Variants in KSR2 observed in about 807,000 individuals in gnomAD.
KSR2 encodes kinase suppressor of ras 2.
In KSR2, 25 loss-of-function variants were observed where a neutral mutation model predicts 107.8. That is an observed-to-expected ratio of 0.23 (90% CI 0.17 to 0.32). The LOEUF is 0.32. KSR2 is among the 10% of genes least tolerant of loss of function. The probability of loss-of-function intolerance (pLI) is 1.00; values close to 1 mark genes in which losing one functional copy is unlikely to be tolerated. For missense variants in KSR2, 887 were observed against 1,268.9 expected (o/e 0.70, Z 4.57); for synonymous variants, 480 against 507.0 (o/e 0.95, Z 0.71).
At position 117,539,339 on chromosome 12, in the gene KSR2, C is replaced by T. The variant is rs1484866401; in HGVS notation, c.1687+380G>A. ...ACTGCCAATTTTAACCAATTTAGCT[C>T]ATAAGACAACTGTCATCTCCAGAGC... On this transcript the variant is annotated intron_variant, in intron 10 of 19. Coordinates refer to ENST00000339824, the MANE Select transcript of KSR2 (RefSeq NM_173598.6). 10 of 199,884 alleles carry T rather than the reference C, an allele frequency of 5.0e-5. No individual in the cohort carries two copies. In the South Asian group the frequency reaches 1.4e-3, roughly 28 times the overall value. 12.4% of individuals were successfully genotyped at this position (199,884 alleles called of 1,614,324 possible). A position where few individuals can be genotyped will look rare whatever the true frequency, so the allele number is the denominator to read the frequency against.
intron 4 of KSR2, among the ~76,000 whole-genome samples, chr12:117,705,969 G>A (rs1199304475): frequency 6.6e-6 from 1 of 151,850 alleles, no homozygotes; most frequent in Admixed American, 6.6e-5. Flanking sequence ...AAAGTGAGGT[G>A]CTGACCATGG....
At chr12:117,727,722 T>G (rs1887490844) in intron 4 of KSR2, among the ~76,000 whole-genome samples, 1 of 152,192 alleles carries the variant, frequency 6.6e-6, no homozygotes, top group Admixed American at 6.5e-5. Flanking sequence ...GACTCGGGAC[T>G]TCTGGCCTCT....
At chr12:117,537,552 T>C (rs1263251476) in intron 10 of KSR2, among the ~76,000 whole-genome samples, 2 of 152,240 alleles carry the variant, frequency 1.3e-5, no homozygotes, top group African/African-American at 2.4e-5. Context: ...CTCCATTTTA[T>C]AGATGAGAAC....
chr12:117,485,541 G>A, intron 15 of KSR2, 54 bp downstream of exon 15: 1 of 1,419,370 alleles, frequency 7.0e-7, no homozygotes, highest in Non-Finnish European at 1.0e-6. Context: ...GGCTTCCCTG[G>A]GGGAAACTGG....
At chr12:117,901,652 GACAA>G (rs758160850) in intron 1 of KSR2, among the ~76,000 whole-genome samples, 4 of 152,086 alleles carry the variant, frequency 2.6e-5, no homozygotes, top group Non-Finnish European at 4.4e-5. Context: ...AAAAAATTAT[GACAA>G]ACAAAGTATT....
At chr12:117,691,086 G>A (rs1454381323) in intron 4 of KSR2, among the ~76,000 whole-genome samples, 2 of 152,218 alleles carry the variant, frequency 1.3e-5, no homozygotes, top group East Asian at 3.8e-4. Context: ...CCCAGCATGG[G>A]TTGACAATGT....
At chr12:117,892,378 TCAAA>T (rs1408441668) in intron 1 of KSR2, among the ~76,000 whole-genome samples, 1 of 152,198 alleles carries the variant, frequency 6.6e-6, no homozygotes, top group East Asian at 1.9e-4. Context: ...CTTATGCCTC[TCAAA>T]CAAAGAGCTC....
intron 4 of KSR2, among the ~76,000 whole-genome samples, chr12:117,684,072 C>T (rs1364270704): frequency 6.6e-6 from 1 of 152,194 alleles, no homozygotes; most frequent in Non-Finnish European, 1.5e-5. Context: ...GAAGTGAAAA[C>T]AAAACACTAA....
At chr12:117,740,171 C>T (rs1228243974) in intron 4 of KSR2, among the ~76,000 whole-genome samples, 1 of 150,190 alleles carries the variant, frequency 6.7e-6, no homozygotes, top group Non-Finnish European at 1.5e-5. Context: ...TGAGTGAGAA[C>T]ATACAATGTT....
In KSR2 at chr12:117,622,315, CAG is replaced by C. The variant is rs370891550; in HGVS notation, c.1172-39958_1172-39957del. Among the ~76,000 whole-genome samples the C allele has an allele frequency of 7.9e-5, 12 of 152,178 alleles. No individual in the cohort carries two copies. The East Asian group carries it at 9.7e-4, about 12-fold the overall frequency. ...TCTTATTTTACATAATTCAAGAACTCAGAGAGTCAACACTGTTGAAATTTACA... is the reference window on the plus strand; with the variant it reads ...TCTTATTTTACATAATTCAAGAACTCAGAGTCAACACTGTTGAAATTTACA... On this transcript the variant is annotated intron_variant, in intron 5 of 19. Coordinates refer to ENST00000339824, the MANE Select transcript of KSR2 (RefSeq NM_173598.6).
chr12:117,941,351 C>T lies in KSR2; in HGVS notation c.180+26725G>A, dbSNP rs931685118. 4.0e-5 allele frequency among the ~76,000 whole-genome samples: 6 copies of T among 150,852 alleles called. No individual in the cohort carries two copies. The East Asian group carries it at 9.8e-4, about 25-fold the overall frequency. On this transcript the variant is annotated intron_variant, in intron 1 of 19. Coordinates refer to ENST00000339824, the MANE Select transcript of KSR2 (RefSeq NM_173598.6). ...AGCAGCCTCATCCATAAAACTCACACCTCTTTCTGATGCCATTTGGGGAAA... is the reference window on the plus strand; with the variant it reads ...AGCAGCCTCATCCATAAAACTCACATCTCTTTCTGATGCCATTTGGGGAAA...
chr12:117,782,969 A>C (rs1393802496), intron 3 of KSR2, among the ~76,000 whole-genome samples: 3 of 152,240 alleles, frequency 2.0e-5, no homozygotes, highest in African/African-American at 7.2e-5. Flanking sequence ...AAAAGAAACA[A>C]CAAAGTAAGA....
At chr12:117,743,814 A>C (rs1011617552) in intron 4 of KSR2, among the ~76,000 whole-genome samples, 4 of 152,214 alleles carry the variant, frequency 2.6e-5, no homozygotes, top group Admixed American at 2.6e-4. Context: ...ATCACCAGGC[A>C]TCTTAAACAA....
At chr12:117,573,523 T>TC (rs1371003721) in intron 7 of KSR2, among the ~76,000 whole-genome samples, 2 of 117,652 alleles carry the variant, frequency 1.7e-5, no homozygotes, top group African/African-American at 7.2e-5. Flanking sequence ...TCACATGTTA[T>TC]CTTTTTTTTT....
chr12:117,793,755 C>A lies in KSR2; in HGVS notation c.473-32231G>T, dbSNP rs536327512. 1.9e-4 allele frequency among the ~76,000 whole-genome samples: 28 copies of A among 146,302 alleles called. 1 individual carries two copies. The South Asian group carries it at 4.7e-3, about 24-fold the overall frequency. On this transcript the variant is annotated intron_variant, in intron 3 of 19. Coordinates refer to ENST00000339824, the MANE Select transcript of KSR2 (RefSeq NM_173598.6). ...TGCACTCATACCATGCACATATACA[C>A]CAACATGCACACATGCAACATGCAC...
intron 1 of KSR2, among the ~76,000 whole-genome samples, chr12:117,943,524 A>C (rs922790301): frequency 6.6e-6 from 1 of 151,294 alleles, no homozygotes; most frequent in Non-Finnish European, 1.5e-5. Context: ...AAAAAAAAAA[A>C]AAACCTCATA....
intron 9 of KSR2, 58 bp from the exon 10 acceptor site, chr12:117,539,945 G>C: frequency 6.8e-7 from 1 of 1,473,430 alleles, no homozygotes; most frequent in South Asian, 1.2e-5. Flanking sequence ...AAACACAGCA[G>C]AAAGAGTGGG....
At position 117,579,152 on chromosome 12, in the gene KSR2, C is replaced by G; in HGVS notation, c.1292G>C (p.Gly431Ala). The G allele has an allele frequency of 1.2e-6, 2 of 1,613,748 alleles. No homozygotes were observed. The highest frequency in any genetic ancestry group is 2.2e-5 in the South Asian group (2 of 90,912). Reference sequence around the variant, plus strand: ...TTTACACTTGAGGCCAAAAAGCATCCCTTTCCCACAGACTGTGCACGTCTG... The same window carrying G: ...TTTACACTTGAGGCCAAAAAGCATCGCTTTCCCACAGACTGTGCACGTCTG... Reference protein sequence around the residue: ...MSQTCTVCGKGMLFGLKCKNC... With the variant: ...MSQTCTVCGKAMLFGLKCKNC... Residue 431 changes from glycine (G) to alanine (A), a missense_variant, in exon 7 of 20, where the codon GGG becomes GCG. By Grantham distance (60) the Gly-to-Ala change is moderately conservative. Coordinates refer to ENST00000339824, the MANE Select transcript of KSR2 (RefSeq NM_173598.6).
At position 117,794,504 on chromosome 12, in the gene KSR2, A is replaced by C. The variant is rs1472933383; in HGVS notation, c.473-32980T>G. Reference sequence around the variant, plus strand: ...TGCACACTCACACCAACATGCACACACAACATGCACACACACCAACATGCA... The same window carrying C: ...TGCACACTCACACCAACATGCACACCCAACATGCACACACACCAACATGCA... On this transcript the variant is annotated intron_variant, in intron 3 of 19. Coordinates refer to ENST00000339824, the MANE Select transcript of KSR2 (RefSeq NM_173598.6). Among the ~76,000 whole-genome samples, 62 of 116,998 alleles carry C rather than the reference A, an allele frequency of 5.3e-4. 1 individual carries two copies. Among genetic ancestry groups the C allele is most frequent in the Admixed American group, 2.5e-4 (3 of 12,002 alleles). 76.8% of individuals were successfully genotyped at this position (116,998 alleles called of 152,430 possible). A position where few individuals can be genotyped will look rare whatever the true frequency, so the allele number is the denominator to read the frequency against.
Sources: allele counts gnomAD v4.1 joint callset (sites outside exome capture counted in the v4.1 genomes callset), GRCh38; gene constraint gnomAD v4.1.1; transcripts MANE v1.5; gene names NCBI Gene and HGNC (gene_info 2026-07-23, HGNC 2026-07-21).